Variants in DLGAP1 observed in about 807,000 individuals in gnomAD.
The protein encoded by DLGAP1 is disks large-associated protein 1.
DLGAP1 carries 11 observed loss-of-function variants against 90.8 expected under a neutral mutation model. That is an observed-to-expected ratio of 0.12 (90% CI 0.08 to 0.20). The LOEUF (loss-of-function observed/expected upper bound fraction) is 0.20, where lower values mean the gene tolerates loss of function less well. DLGAP1 is among the 10% of genes least tolerant of loss of function. DLGAP1 has a pLI of 1.00. For missense variants in DLGAP1, 1,050 were observed against 1,333.8 expected, an observed-to-expected ratio of 0.79 and a Z score of 3.31; for synonymous variants, 558 against 540.7, an observed-to-expected ratio of 1.03 and a Z score of -0.44.
chr18:3,708,602 C>T (rs1050419933), intron 7 of DLGAP1: 3 of 450,458 alleles, frequency 6.7e-6, no homozygotes, highest in South Asian at 1.6e-5. Flanking sequence ...AATCTGTTTG[C>T]GATGGGCATC....
intron 7 of DLGAP1, among the ~76,000 whole-genome samples, chr18:3,615,545 G>A (rs954232425): frequency 7.9e-5 from 12 of 152,208 alleles, no homozygotes; most frequent in Admixed American, 2.6e-4. Context: ...GGGAGATGTT[G>A]ACAGCAGAGA....
At chr18:4,268,552 T>C (rs1256762775) in intron 1 of DLGAP1, among the ~76,000 whole-genome samples, 1 of 152,196 alleles carries the variant, frequency 6.6e-6, no homozygotes, top group Non-Finnish European at 1.5e-5. Flanking sequence ...TAATTTTCTA[T>C]TTTCTAGTTT....
At chr18:4,011,069 G>A (rs969777208) in intron 2 of DLGAP1, among the ~76,000 whole-genome samples, 5 of 151,418 alleles carry the variant, frequency 3.3e-5, no homozygotes, top group African/African-American at 7.3e-5. Context: ...CCTGCTACTC[G>A]GGAGGCTGAG....
At chr18:3,570,804 C>T (rs911213650) in intron 8 of DLGAP1, among the ~76,000 whole-genome samples, 7 of 151,588 alleles carry the variant, frequency 4.6e-5, no homozygotes, top group African/African-American at 7.3e-5. Context: ...TAGTGGCATG[C>T]GCCTGTACTC....
intron 5 of DLGAP1, among the ~76,000 whole-genome samples, chr18:3,789,382 A>T (rs774938190): frequency 6.6e-6 from 1 of 152,222 alleles, no homozygotes; most frequent in Non-Finnish European, 1.5e-5. Flanking sequence ...ATCCAGAAAA[A>T]GCTGGAAACT....
chr18:4,392,512 G>A (rs1027201061), intron 1 of DLGAP1, among the ~76,000 whole-genome samples: 2 of 152,124 alleles, frequency 1.3e-5, no homozygotes, highest in African/African-American at 4.8e-5. Flanking sequence ...TTGATCTTGT[G>A]TCATAACACA....
chr18:3,540,119 A>C (rs1177609499), intron 9 of DLGAP1, among the ~76,000 whole-genome samples: 1 of 152,150 alleles, frequency 6.6e-6, no homozygotes, highest in Non-Finnish European at 1.5e-5. Context: ...GTCTCATTAC[A>C]TAAAATAAAA....
intron 1 of DLGAP1, among the ~76,000 whole-genome samples, chr18:4,297,539 C>T (rs2080013244): frequency 6.6e-6 from 1 of 151,978 alleles, no homozygotes; most frequent in African/African-American, 2.4e-5. Context: ...TTTTATTATC[C>T]TTGGTTATTT....
intron 1 of DLGAP1, among the ~76,000 whole-genome samples, chr18:4,288,116 GGTTA>G (rs1466714651): frequency 6.6e-6 from 1 of 152,042 alleles, no homozygotes; most frequent in East Asian, 1.9e-4. Flanking sequence ...ACATTGTGCA[GGTTA>G]GTTACATATG....
chr18:4,380,151 G>C (rs886064386), intron 1 of DLGAP1, among the ~76,000 whole-genome samples: 1 of 152,162 alleles, frequency 6.6e-6, no homozygotes, highest in Non-Finnish European at 1.5e-5. Context: ...AATAGGACTT[G>C]TAGTTTAAGG....
At chr18:4,118,733 C>T (rs1468306797) in intron 2 of DLGAP1, among the ~76,000 whole-genome samples, 1 of 151,958 alleles carries the variant, frequency 6.6e-6, no homozygotes, top group African/African-American at 2.4e-5. Context: ...ATCAGTTTCC[C>T]TAAGCTTGGG....
intron 1 of DLGAP1, among the ~76,000 whole-genome samples, chr18:4,372,352 G>A (rs1391760600): frequency 6.6e-5 from 10 of 152,238 alleles, no homozygotes; most frequent in South Asian, 2.1e-4. Flanking sequence ...GGAAGGCAGT[G>A]GCAGTGGACA....
chr18:4,207,415 G>C lies in DLGAP1; in HGVS notation c.-266-56128C>G, dbSNP rs2077743407. Among the ~76,000 whole-genome samples the C allele has an allele frequency of 3.3e-5, 5 of 152,194 alleles. 1 individual carries two copies. In the South Asian group the frequency reaches 1.0e-3, roughly 32 times the overall value. On this transcript the variant is annotated intron_variant, in intron 1 of 12. Transcript: ENST00000315677. ...ACCTGGTCTCTCCCATGACACCTGG[G>C]GATTACCGGAACTACAATTCAAGAT... is the stretch of plus-strand genomic sequence containing the variant.
At chr18:4,085,507 G>A (rs371421544) in intron 2 of DLGAP1, among the ~76,000 whole-genome samples, 1 of 152,202 alleles carries the variant, frequency 6.6e-6, no homozygotes, top group Non-Finnish European at 1.5e-5. Flanking sequence ...TTTAGATCTA[G>A]TCTACATCCA....
At chr18:3,959,877 CTCT>C (rs2148981751) in intron 3 of DLGAP1, among the ~76,000 whole-genome samples, 1 of 152,320 alleles carries the variant, frequency 6.6e-6, no homozygotes, top group African/African-American at 2.4e-5. Context: ...TTTACACCGT[CTCT>C]TTTTACACTA....
rs375119340 is a variant in DLGAP1 at position 3,510,592 on chromosome 18, A to T, written c.2480-1931T>A. On this transcript the variant is annotated intron_variant, in intron 10 of 12. Transcript: ENST00000315677. ...TGGCTGTAGGTAAGCTCTGAGGTTT[A>T]TGGAAACCTCTGAATTATCTTGCTG... Among the ~76,000 whole-genome samples, 12 of 152,292 alleles carry T rather than the reference A, an allele frequency of 7.9e-5. 1 individual carries two copies. The highest frequency in any genetic ancestry group is 3.9e-4 in the Admixed American group (6 of 15,300).
chr18:4,235,395 G>A (rs1568464420), intron 1 of DLGAP1, among the ~76,000 whole-genome samples: 1 of 152,130 alleles, frequency 6.6e-6, no homozygotes, highest in South Asian at 2.1e-4. Context: ...AGGAGACATC[G>A]TGAGAGTAAC....
At chr18:4,345,436 C>T (rs1290858775) in intron 1 of DLGAP1, among the ~76,000 whole-genome samples, 2 of 152,162 alleles carry the variant, frequency 1.3e-5, no homozygotes, top group African/African-American at 4.8e-5. Context: ...TAAGGGAACC[C>T]CACAGTTAGG....
At chr18:4,057,132 C>T (rs2075232475) in intron 2 of DLGAP1, among the ~76,000 whole-genome samples, 1 of 151,208 alleles carries the variant, frequency 6.6e-6, no homozygotes, top group African/African-American at 2.4e-5. Context: ...TGTCAGGTGA[C>T]CATCAGGTGA....
Sources: allele counts gnomAD v4.1 joint callset (sites outside exome capture counted in the v4.1 genomes callset), GRCh38; gene constraint gnomAD v4.1.1; transcripts MANE v1.5; gene names NCBI Gene and HGNC (gene_info 2026-07-23, HGNC 2026-07-21).